The following SCFD2 variants were observed in gnomAD, a reference collection of about 807,000 sequenced individuals.
SCFD2 encodes sec1 family domain-containing protein 2.
In SCFD2, 54 loss-of-function variants were observed where a neutral mutation model predicts 58.9. The ratio of observed to expected loss-of-function variants is 0.92; its 90% confidence interval spans 0.74 to 1.15. The LOEUF (loss-of-function observed/expected upper bound fraction) is 1.15, where lower values mean the gene tolerates loss of function less well. Ranked by LOEUF, SCFD2 falls within the 50% of genes most tolerant of loss-of-function variation. SCFD2 has a pLI of 0.00. For synonymous variants in SCFD2, 321 were observed against 335.9 expected, an observed-to-expected ratio of 0.96 and a Z score of 0.49; for missense variants, 805 against 836.6, an observed-to-expected ratio of 0.96 and a Z score of 0.47.
chr4:53,203,357 AT>A (rs907548519), intron 4 of SCFD2, among the ~76,000 whole-genome samples: 4 of 151,860 alleles, frequency 2.6e-5, no homozygotes, highest in Admixed American at 6.6e-5. Context: ...GCATAATCAG[AT>A]TTTTTTTAGC....
At chr4:52,877,713 C>G (rs1441390529) in intron 8 of SCFD2, among the ~76,000 whole-genome samples, 1 of 152,222 alleles carries the variant, frequency 6.6e-6, no homozygotes, top group Admixed American at 6.5e-5. Context: ...ATCCTTCCAC[C>G]CAGCTCACAG....
At chr4:53,331,502 T>C (rs1366566266) in intron 2 of SCFD2, among the ~76,000 whole-genome samples, 1 of 152,144 alleles carries the variant, frequency 6.6e-6, no homozygotes, top group Admixed American at 6.5e-5. Flanking sequence ...GACTACTGGA[T>C]ACATAACGAA....
At chr4:53,085,985 T>C (rs1176241697) in intron 5 of SCFD2, among the ~76,000 whole-genome samples, 1 of 151,998 alleles carries the variant, frequency 6.6e-6, no homozygotes, top group Admixed American at 6.6e-5. Context: ...TGGGCAAAAA[T>C]TTCTGGAGTA....
chr4:53,337,552 T>C (rs1276419759), intron 2 of SCFD2, among the ~76,000 whole-genome samples: 1 of 152,148 alleles, frequency 6.6e-6, no homozygotes, highest in Non-Finnish European at 1.5e-5. Flanking sequence ...CCATTTCTAC[T>C]TAAATGAAAG....
chr4:53,026,088 C>G (rs1453386108), intron 5 of SCFD2, among the ~76,000 whole-genome samples: 2 of 151,640 alleles, frequency 1.3e-5, no homozygotes, highest in Non-Finnish European at 2.9e-5. Context: ...AAAACAACAA[C>G]AACAACAAAA....
intron 5 of SCFD2, among the ~76,000 whole-genome samples, chr4:52,990,293 T>G (rs1213827901): frequency 1.3e-5 from 2 of 152,260 alleles, no homozygotes; most frequent in African/African-American, 4.8e-5. Context: ...AGGCTCTGAA[T>G]GATATTAATC....
intron 3 of SCFD2, among the ~76,000 whole-genome samples, chr4:53,304,873 G>A (rs1460123773): frequency 3.3e-5 from 5 of 151,954 alleles, no homozygotes; most frequent in Admixed American, 6.6e-5. Context: ...CCTTGCTAGC[G>A]AGGATTTGTG....
intron 6 of SCFD2, among the ~76,000 whole-genome samples, chr4:52,915,160 A>G (rs1719573149): frequency 6.6e-6 from 1 of 152,162 alleles, no homozygotes; most frequent in South Asian, 2.1e-4. Context: ...AACCAGTGTA[A>G]CTACAACATC....
At chr4:53,186,485 T>C (rs1381813826) in intron 4 of SCFD2, among the ~76,000 whole-genome samples, 1 of 151,978 alleles carries the variant, frequency 6.6e-6, no homozygotes, top group Non-Finnish European at 1.5e-5. Context: ...AACTTACTTA[T>C]ACTAGCATTA....
chr4:53,121,671 G>A (rs1725482267), intron 5 of SCFD2, among the ~76,000 whole-genome samples: 1 of 152,162 alleles, frequency 6.6e-6, no homozygotes, highest in African/African-American at 2.4e-5. Flanking sequence ...TTACGTAACA[G>A]ACCTGGTCGC....
intron 4 of SCFD2, among the ~76,000 whole-genome samples, chr4:53,259,047 C>T (rs1344310464): frequency 6.6e-6 from 1 of 152,046 alleles, no homozygotes; most frequent in African/African-American, 2.4e-5. Flanking sequence ...CTATTCATGT[C>T]CTTAGCCCAC....
At chr4:52,994,370 G>T (rs1376151908) in intron 5 of SCFD2, among the ~76,000 whole-genome samples, 1 of 152,192 alleles carries the variant, frequency 6.6e-6, no homozygotes, top group East Asian at 1.9e-4. Flanking sequence ...TGGTGCCAGA[G>T]AACTGGATTC....
At chr4:52,879,279 C>A (rs1035894407) in intron 8 of SCFD2, among the ~76,000 whole-genome samples, 4 of 152,204 alleles carry the variant, frequency 2.6e-5, no homozygotes, top group Non-Finnish European at 5.9e-5. Flanking sequence ...TCCACAAAAA[C>A]AGCCAGTGGG....
intron 3 of SCFD2, among the ~76,000 whole-genome samples, chr4:53,307,639 C>T (rs1390541496): frequency 1.3e-5 from 2 of 152,158 alleles, no homozygotes; most frequent in Admixed American, 1.3e-4. Context: ...GTAGCTCCCA[C>T]CACCAGTGTG....
intron 5 of SCFD2, among the ~76,000 whole-genome samples, chr4:52,958,911 C>T (rs146999218): frequency 6.4e-4 from 98 of 152,280 alleles, no homozygotes; most frequent in African/African-American, 2.3e-3. Context: ...AACCTGAACT[C>T]ATTATGTATT....
chr4:53,093,493 C>T (rs1227478581), intron 5 of SCFD2, among the ~76,000 whole-genome samples: 1 of 152,080 alleles, frequency 6.6e-6, no homozygotes, highest in Non-Finnish European at 1.5e-5. Context: ...AGGAATATAT[C>T]CTACAGATGT....
Position 53,061,348 on chromosome 4 carries a change from G to A in SCFD2, c.1561+83985C>T, listed in dbSNP as rs931050496. ...CACAACAATGCTCGAGGATGGTATC[G>A]AAGCCCAGAGAAGTTCAATAACTTG... is the stretch of plus-strand genomic sequence containing the variant. On this transcript the variant is annotated intron_variant, in intron 5 of 8. Transcript: ENST00000401642. 4.6e-5 allele frequency among the ~76,000 whole-genome samples: 7 copies of A among 152,160 alleles called. No individual in the cohort carries two copies. The South Asian group carries it at 6.2e-4, about 14-fold the overall frequency.
At chr4:52,921,839 C>G (rs942319504) in intron 5 of SCFD2, among the ~76,000 whole-genome samples, 8 of 152,162 alleles carry the variant, frequency 5.3e-5, no homozygotes, top group African/African-American at 1.9e-4. Flanking sequence ...TAAGGGCTTT[C>G]TCTGATGTAG....
At chr4:52,923,515 A>G (rs140189485) in intron 5 of SCFD2, among the ~76,000 whole-genome samples, 5 of 150,190 alleles carry the variant, frequency 3.3e-5, no homozygotes, top group African/African-American at 1.2e-4. Flanking sequence ...TAAATAAATA[A>G]ATGTGTGGTC....
Sources: gnomAD v4.1 joint callset for allele counts (sites outside exome capture counted in the v4.1 genomes callset) on GRCh38, gnomAD v4.1.1 for gene constraint, MANE v1.5 for transcripts, NCBI Gene and HGNC (gene_info 2026-07-23, HGNC 2026-07-21) for gene names.